The following KMT2D variants were observed in gnomAD, a reference collection of about 807,000 sequenced individuals.
KMT2D encodes lysine methyltransferase 2D.
In KMT2D, 55 loss-of-function variants were observed where a neutral mutation model predicts 512.7. The observed-to-expected ratio is 0.11, with a 90% CI of 0.09 to 0.13. The LOEUF (loss-of-function observed/expected upper bound fraction) is 0.13, where lower values mean the gene tolerates loss of function less well. KMT2D is among the 10% of genes least tolerant of loss of function. The probability of loss-of-function intolerance (pLI) is 1.00; values close to 1 mark genes in which losing one functional copy is unlikely to be tolerated. For missense variants in KMT2D, 6,061 were observed against 7,127.9 expected, an observed-to-expected ratio of 0.85 and a Z score of 5.39; for synonymous variants, 2,995 against 2,904.0, an observed-to-expected ratio of 1.03 and a Z score of -1.01.
chr12:49,046,591 A>G lies in KMT2D; in HGVS notation c.4418+18T>C, dbSNP rs1262345616. 6.2e-7 allele frequency: 1 copy of G among 1,603,226 alleles called. No individual in the cohort carries two copies. Among genetic ancestry groups the G allele is most frequent in the Non-Finnish European group, 8.5e-7 (1 of 1,172,684 alleles). ...TCTCAAGGCCCCAGGGCTCCACTGA[A>G]GATCCCAGTCTCCTTACCACTTGCA... On this transcript the variant is annotated intron_variant, in intron 16 of 54. Transcript: ENST00000301067. This position sits in a 1 kb window ranked among gnomAD's most constrained non-coding sequence, Gnocchi z 4.2.
In KMT2D at chr12:49,022,220, T is replaced by C. The variant is rs2137704457; in HGVS notation, c.16412+60A>G. 1 of 1,600,148 alleles carries C rather than the reference T, an allele frequency of 6.2e-7. No homozygotes were observed. The highest frequency in any genetic ancestry group is 8.6e-7 in the Non-Finnish European group (1 of 1,167,710). ...GGACAATTTTGATTCCTTGTTCGTC[T>C]ATCCCCCAGAGTGCCACTCTCAGGG... On this transcript the variant is annotated intron_variant, in intron 53 of 54. Transcript: ENST00000301067. The surrounding 1 kb of genome is among the most constrained non-coding windows in gnomAD (Gnocchi z 8.6).
rs587783709 is a variant in KMT2D, at chr12:49,051,026, G to A, written c.2657C>T (p.Pro886Leu). The A allele has an allele frequency of 6.4e-7, 1 of 1,557,658 alleles. No individual in the cohort carries two copies. Among genetic ancestry groups the A allele is most frequent in the African/African-American group, 1.4e-5 (1 of 73,064 alleles). ...APEELPLFPPPGEPSLSPLLG... is the reference protein window; with the variant it reads ...APEELPLFPPLGEPSLSPLLG... ...CAAGGGAGATAAGGATGGTTCCCCA[G>A]GGGGAGGGAACAAGGGCAGCTCCTC... Residue 886 changes from proline (P) to leucine (L), a missense_variant, in exon 11 of 55, where the codon CCT becomes CTT. This residue lies in a region of KMT2D where 848 missense variants were observed against 838.5 expected (regional missense o/e 1.01). Coordinates refer to ENST00000301067, the MANE Select transcript of KMT2D (RefSeq NM_003482.4).
chr12:49,044,017 T>C lies in KMT2D; in HGVS notation c.5189-19A>G. The stretch of plus-strand genomic sequence containing the variant: ...GGTATCACTGTGGACAGAACGGAAG[T>C]GTCAGACTCGGGTTGAGAGCATGCT... On this transcript the variant is annotated intron_variant, in intron 22 of 54. Transcript: ENST00000301067. The surrounding 1 kb of genome is among the most constrained non-coding windows in gnomAD (Gnocchi z 6.4). 6.2e-7 allele frequency: 1 copy of C among 1,613,186 alleles called. No individual in the cohort carries two copies. Among genetic ancestry groups the C allele is most frequent in the Non-Finnish European group, 8.5e-7 (1 of 1,179,288 alleles).
Position 49,038,369 on chromosome 12 carries a change from T to C in KMT2D, c.8987A>G (p.Asp2996Gly), listed in dbSNP as rs2120495589. 6.2e-7 allele frequency: 1 copy of C among 1,613,836 alleles called. No individual in the cohort carries two copies. The highest frequency in any genetic ancestry group is 8.5e-7 in the Non-Finnish European group (1 of 1,179,880). Residue 2996 changes from aspartate to glycine, a missense_variant, in exon 35 of 55, where the codon GAT (aspartate) becomes GGT (glycine). Asp to Gly is a moderately conservative substitution (Grantham distance 94, BLOSUM62 -1). Coordinates refer to ENST00000301067, the MANE Select transcript of KMT2D (RefSeq NM_003482.4). This position sits in a 1 kb window ranked among gnomAD's most constrained non-coding sequence, Gnocchi z 5.7. ...LPCEDPELDDDFDAHKALEDD... is the reference protein window; with the variant it reads ...LPCEDPELDDGFDAHKALEDD... ...CTCTAGGGCCTTGTGGGCATCAAAATCGTCATCCAGCTCGGGATCCTCACA... is the reference window on the plus strand; with the variant it reads ...CTCTAGGGCCTTGTGGGCATCAAAACCGTCATCCAGCTCGGGATCCTCACA...
intron 12 of KMT2D, among the ~76,000 whole-genome samples, 195 bp from the exon 13 acceptor site, chr12:49,049,413 C>T (rs969909061): frequency 2.6e-5 from 4 of 152,194 alleles, no homozygotes; most frequent in Non-Finnish European, 5.9e-5. Flanking sequence ...CCATTCTTCC[C>T]CTCCCAAGAG....
At position 49,038,040 on chromosome 12, in the gene KMT2D, C is replaced by T. The variant is rs761708546; in HGVS notation, c.9316G>A (p.Ala3106Thr). The change falls in exon 35 of 55, where the codon GCC becomes ACC. Residue 3106 changes from alanine (A) to threonine (T), a missense_variant. By Grantham distance (58) the Ala-to-Thr change is moderately conservative. Transcript: ENST00000301067. This position sits in a 1 kb window ranked among gnomAD's most constrained non-coding sequence, Gnocchi z 5.7. Reference sequence around the variant, plus strand: ...ACAGATGCCAGGCGGGGTTCAGAGGCATCAGCAGCAGGGGGAGGGCGCTCC... The same window carrying T: ...ACAGATGCCAGGCGGGGTTCAGAGGTATCAGCAGCAGGGGGAGGGCGCTCC... ...PEERPPPAAD[A>T]SEPRLASVLP... 2.5e-6 allele frequency: 4 copies of T among 1,611,284 alleles called. No individual in the cohort carries two copies. The South Asian group carries it at 4.4e-5, about 18-fold the overall frequency.
In KMT2D at chr12:49,054,215, C is replaced by T. The variant is rs888451411; in HGVS notation, c.511-75G>A. On this transcript the variant is annotated intron_variant, in intron 5 of 54. Coordinates refer to ENST00000301067, the MANE Select transcript of KMT2D (RefSeq NM_003482.4). The surrounding 1 kb of genome is among the most constrained non-coding windows in gnomAD (Gnocchi z 6.4). ...AACAGTTCAGGCACTAGCTCTGCCC[C>T]AGTATACCCATGGTCCTTCTCATTC... 1 of 1,533,810 alleles carries T rather than the reference C, an allele frequency of 6.5e-7. No individual in the cohort carries two copies.
chr12:49,020,572 T>TTGG lies in KMT2D; in HGVS notation c.*1207_*1208insCCA. ...ACAATCCCATGTATAAATAGATAAA[T>TTGG]ACCCCCCACCCTCCCCGCGCTGACA... On this transcript the variant is annotated 3_prime_UTR_variant, in exon 55 of 55. Transcript: ENST00000301067. 1 of 194,266 alleles carries TTGG rather than the reference T, an allele frequency of 5.1e-6. No homozygotes were observed. The highest frequency in any genetic ancestry group is 1.1e-5 in the Non-Finnish European group (1 of 94,612). The allele number at this position is 194,266 out of a possible 1,614,324, so 12.0% of individuals were successfully genotyped here.
chr12:49,054,678 G>A lies in KMT2D; in HGVS notation c.250C>T (p.Arg84Cys), dbSNP rs748173147. The part of the protein sequence containing the change: ...PSLHGQRELR[R>C]FELPFDWPRC... ...GGCCAATCAAATGGCAACTCAAAGC[G>A]CCGTAGCTCCCGCTGCCCGTGTAGA... Residue 84 changes from arginine to cysteine, a missense_variant, in exon 4 of 55, where the codon CGC (arginine) becomes TGC (cysteine). Physicochemically the swap from Arg to Cys is radical, Grantham distance 180 (BLOSUM62 -3). This residue lies in a region of KMT2D where 144 missense variants were observed against 165.7 expected (regional missense o/e 0.87). Coordinates refer to ENST00000301067, the MANE Select transcript of KMT2D (RefSeq NM_003482.4). The surrounding 1 kb of genome is among the most constrained non-coding windows in gnomAD (Gnocchi z 6.4). 25 of 1,612,550 alleles carry A rather than the reference G, an allele frequency of 1.6e-5. No homozygotes were observed. The East Asian group carries it at 2.9e-4, about 19-fold the overall frequency.
Position 49,019,335 on chromosome 12 carries a change from G to C in KMT2D, c.*2445C>G. The stretch of plus-strand genomic sequence containing the variant: ...AAAACTGAAAACTGAGTATGTGCGA[G>C]TGTAAACCAACCCAAAATACAAACA... On this transcript the variant is annotated 3_prime_UTR_variant, in exon 55 of 55. Coordinates refer to ENST00000301067, the MANE Select transcript of KMT2D (RefSeq NM_003482.4). The C allele has an allele frequency of 7.6e-6, 1 of 132,126 alleles. No individual in the cohort carries two copies. The highest frequency in any genetic ancestry group is 1.4e-5 in the Non-Finnish European group (1 of 70,632). The allele number at this position is 132,126 out of a possible 1,614,324, so 8.2% of individuals were successfully genotyped here. A position where few individuals can be genotyped will look rare whatever the true frequency, so the allele number is the denominator to read the frequency against.
rs1477193302 is a variant in KMT2D, at chr12:49,042,882, TG to T, written c.5645-5del. 3.7e-6 allele frequency: 6 copies of T among 1,613,564 alleles called. No homozygotes were observed. The highest frequency in any genetic ancestry group is 5.1e-6 in the Non-Finnish European group (6 of 1,179,728). ...TTGGATTCCATCTTGGGCAGTTCTGTGGGGGAATGAAGGACACTGTTGAGGA... is the reference window on the plus strand; with the variant it reads ...TTGGATTCCATCTTGGGCAGTTCTGTGGGGAATGAAGGACACTGTTGAGGA... On this transcript the variant is annotated splice_polypyrimidine_tract_variant and splice_region_variant and intron_variant, in intron 26 of 54. Coordinates refer to ENST00000301067, the MANE Select transcript of KMT2D (RefSeq NM_003482.4). The surrounding 1 kb of genome is among the most constrained non-coding windows in gnomAD (Gnocchi z 4.4).
Position 49,054,212 on chromosome 12 carries a change from C to T in KMT2D, c.511-72G>A, listed in dbSNP as rs2120705990. ...ACAAACAGTTCAGGCACTAGCTCTG[C>T]CCCAGTATACCCATGGTCCTTCTCA... On this transcript the variant is annotated intron_variant, in intron 5 of 54. Coordinates refer to ENST00000301067, the MANE Select transcript of KMT2D (RefSeq NM_003482.4). This position sits in a 1 kb window ranked among gnomAD's most constrained non-coding sequence, Gnocchi z 6.4. The T allele has an allele frequency of 6.5e-7, 1 of 1,531,044 alleles. No homozygotes were observed. Among genetic ancestry groups the T allele is most frequent in the Non-Finnish European group, 8.8e-7 (1 of 1,130,410 alleles). 94.8% of individuals were successfully genotyped at this position (1,531,044 alleles called of 1,614,324 possible).
At position 49,043,103 on chromosome 12, in the gene KMT2D, A is replaced by G. The variant is rs1369797487; in HGVS notation, c.5617T>C (p.Ser1873Pro). ...PGTPGEGMLS[S>P]DLDRISTEEL... is the part of the protein sequence containing the mutation. ...TCTGTGGAAATCCTGTCTAAGTCAG[A>G]GCTAAGCATCCCTTCACCTGGGGTG... Residue 1873 changes from serine to proline, a missense_variant, in exon 26 of 55, where the codon TCT (serine) becomes CCT (proline). By Grantham distance (74) the Ser-to-Pro change is moderately conservative. Around this residue, in one of 16 missense-constraint regions of KMT2D, gnomAD observed 640 missense variants for 814.3 expected, o/e 0.79. Transcript: ENST00000301067. The G allele has an allele frequency of 6.2e-7, 1 of 1,613,906 alleles. No individual in the cohort carries two copies. Among genetic ancestry groups the G allele is most frequent in the Non-Finnish European group, 8.5e-7 (1 of 1,179,812 alleles).
rs764144293 is a variant in KMT2D at position 49,032,098 on chromosome 12, C to T, written c.12607G>A (p.Gly4203Arg). The change falls in exon 40 of 55, where the codon GGA becomes AGA. Residue 4203 changes from glycine to arginine, a missense_variant. Gly to Arg is a moderately radical substitution (Grantham distance 125, BLOSUM62 -2). Transcript: ENST00000301067. ...AGCTGTGGGTTTTTGGCCAGGACTC[C>T]TTGGAGCTGTGCTCGAAGCTGACCC... The part of the protein sequence containing the change: ...TVGQLRAQLQ[G>R]VLAKNPQLRH... 2 of 1,613,838 alleles carry T rather than the reference C, an allele frequency of 1.2e-6. No homozygotes were observed. The highest frequency in any genetic ancestry group is 1.7e-6 in the Non-Finnish European group (2 of 1,179,840).
chr12:49,028,414 G>A (rs1003456147), intron 46 of KMT2D, among the ~76,000 whole-genome samples: 2 of 152,198 alleles, frequency 1.3e-5, no homozygotes, highest in Non-Finnish European at 2.9e-5. Context: ...CATGATACAC[G>A]TTAGCAAATT....
chr12:49,032,050 G>T lies in KMT2D; in HGVS notation c.12655C>A (p.Gln4219Lys). Reference sequence around the variant, plus strand: ...ATGAGGAGTGCCTGTAGCTGCTGCTGCTGCTGAGGACTTAAGTGCCGCAGC... The same window carrying T: ...ATGAGGAGTGCCTGTAGCTGCTGCTTCTGCTGAGGACTTAAGTGCCGCAGC... Reference protein sequence around the residue: ...PQLRHLSPQQQQQLQALLMQR... With the variant: ...PQLRHLSPQQKQQLQALLMQR... The change falls in exon 40 of 55, where the codon CAG becomes AAG. Residue 4219 changes from glutamine (Q) to lysine (K), a missense_variant. Around this residue, in one of 16 missense-constraint regions of KMT2D, gnomAD observed 1,600 missense variants for 1,754.9 expected, o/e 0.91. Transcript: ENST00000301067. The T allele has an allele frequency of 6.2e-7, 1 of 1,613,570 alleles. No homozygotes were observed. The highest frequency in any genetic ancestry group is 2.2e-5 in the East Asian group (1 of 44,872).
chr12:49,031,469 T>C lies in KMT2D; in HGVS notation c.13236A>G (p.Gln4412=). ...CCCGAGGTTCCTGCTTGATGCTGAGTTGGGATGCCTCAGGCACCACCTGTC... is the reference window on the plus strand; with the variant it reads ...CCCGAGGTTCCTGCTTGATGCTGAGCTGGGATGCCTCAGGCACCACCTGTC... ...VNGQVVPEAS[Q]LSIKQEPREE... Residue 4412 remains glutamine (Q), a synonymous_variant, in exon 40 of 55, where the codon CAA becomes CAG. Coordinates refer to ENST00000301067, the MANE Select transcript of KMT2D (RefSeq NM_003482.4). 1 of 1,613,616 alleles carries C rather than the reference T, an allele frequency of 6.2e-7. No individual in the cohort carries two copies. The highest frequency in any genetic ancestry group is 1.7e-5 in the Admixed American group (1 of 59,990).
chr12:49,044,790 G>T lies in KMT2D; in HGVS notation c.4917C>A (p.Asp1639Glu), dbSNP rs1334223646. The T allele has an allele frequency of 6.2e-7, 1 of 1,613,954 alleles. No homozygotes were observed. ...CGGTGTCCAGGTCCCCATCCTTCTT[G>T]TCATCAGGGCCAAGGGCATCTGAGG... ...SEPSDALGPD[D>E]KKDGDLDTDE... The change falls in exon 20 of 55, where the codon GAC becomes GAA. Residue 1639 changes from aspartate to glutamate, a missense_variant. By Grantham distance (45) the Asp-to-Glu change is conservative (BLOSUM62 2). Transcript: ENST00000301067. This position sits in a 1 kb window ranked among gnomAD's most constrained non-coding sequence, Gnocchi z 6.4.
rs544332856 is a variant in KMT2D, at chr12:49,042,881, G to A, written c.5645-3C>T. ...CTTGGATTCCATCTTGGGCAGTTCT[G>A]TGGGGGAATGAAGGACACTGTTGAG... is the stretch of plus-strand genomic sequence containing the variant. On this transcript the variant is annotated splice_region_variant and splice_polypyrimidine_tract_variant and intron_variant, in intron 26 of 54. Coordinates refer to ENST00000301067, the MANE Select transcript of KMT2D (RefSeq NM_003482.4). The surrounding 1 kb of genome is among the most constrained non-coding windows in gnomAD (Gnocchi z 4.4). 60 of 1,613,748 alleles carry A rather than the reference G, an allele frequency of 3.7e-5. No homozygotes were observed. The East Asian group carries it at 1.3e-3, about 35-fold the overall frequency.
Sources: allele counts gnomAD v4.1 joint callset (sites outside exome capture counted in the v4.1 genomes callset), GRCh38; gene constraint gnomAD v4.1.1; regional missense constraint gnomAD v4.1.1; non-coding constraint Gnocchi (gnomAD v3.1); transcripts MANE v1.5; gene names NCBI Gene and HGNC (gene_info 2026-07-23, HGNC 2026-07-21).